The following FCHO2 variants were observed in gnomAD, a reference collection of about 807,000 sequenced individuals.
The protein encoded by FCHO2 is FCH and mu domain containing endocytic adaptor 2.
FCHO2 carries 43 observed loss-of-function variants against 114.1 expected under a neutral mutation model. The ratio of observed to expected loss-of-function variants is 0.38; its 90% CI spans 0.30 to 0.49. The LOEUF is 0.49. Ranked by LOEUF, FCHO2 falls within the 20% of genes least tolerant of loss-of-function variation. The pLI, the probability that FCHO2 is intolerant of heterozygous loss-of-function variation, is 0.97. For missense variants in FCHO2, 807 were observed against 950.4 expected, an observed-to-expected ratio of 0.85 and a Z score of 1.98; for synonymous variants, 293 against 315.2, an observed-to-expected ratio of 0.93 and a Z score of 0.75.
chr5:73,054,155 A>G lies in FCHO2; in HGVS notation c.1174-5A>G, dbSNP rs1369052608. On this transcript the variant is annotated splice_polypyrimidine_tract_variant and splice_region_variant and intron_variant, in intron 13 of 25. Transcript: ENST00000430046. ...TAATTTTCTTTTTCTTCCATGTACT[A>G]CTAGAGACACAGTCCAGTAAGTACA... 6.6e-7 allele frequency: 1 copy of G among 1,517,614 alleles called. No individual in the cohort carries two copies. The highest frequency in any genetic ancestry group is 8.9e-7 in the Non-Finnish European group (1 of 1,128,330). 94.0% of individuals were successfully genotyped at this position (1,517,614 alleles called of 1,614,324 possible).
rs186478644 is a variant in FCHO2 at position 73,044,339 on chromosome 5, G to A, written c.939+3024G>A. 8.5e-5 allele frequency among the ~76,000 whole-genome samples: 13 copies of A among 152,310 alleles called. No homozygotes were observed. The East Asian group carries it at 1.9e-3, about 23-fold the overall frequency. On this transcript the variant is annotated intron_variant, in intron 11 of 25. Transcript: ENST00000430046. The stretch of plus-strand genomic sequence containing the variant: ...CTTCAGCCTCGACCTCCCAGGCTCA[G>A]CCATTCCTCCCATTCCAGCCTCCTG...
chr5:72,966,701 G>A (rs1315399065), intron 1 of FCHO2, among the ~76,000 whole-genome samples: 1 of 152,210 alleles, frequency 6.6e-6, no homozygotes, highest in Non-Finnish European at 1.5e-5. Context: ...AAGTTTTTAT[G>A]CTTTCTGTTT....
At chr5:73,015,891 A>C (rs892663254) in intron 7 of FCHO2, among the ~76,000 whole-genome samples, 167 bp downstream of exon 7, 3 of 152,160 alleles carry the variant, frequency 2.0e-5, no homozygotes, top group Non-Finnish European at 4.4e-5. Context: ...TAGAAAATAA[A>C]CTGGATATTT....
chr5:73,020,862 T>A, intron 8 of FCHO2: 1 of 990,308 alleles, frequency 1.0e-6, no homozygotes, highest in Non-Finnish European at 1.6e-6. Context: ...CTCTGACCAT[T>A]AAGTGTAGCA....
chr5:73,066,397 C>G (rs960391607), intron 18 of FCHO2, among the ~76,000 whole-genome samples: 3 of 151,868 alleles, frequency 2.0e-5, no homozygotes, highest in Non-Finnish European at 4.4e-5. Context: ...TAAACAATGT[C>G]TTAATGACTG....
intron 12 of FCHO2, 149 bp from the exon 13 acceptor site, chr5:73,052,183 A>G (rs1489475174): frequency 4.2e-6 from 3 of 712,294 alleles, no homozygotes; most frequent in African/African-American, 1.8e-5. Context: ...TTAGCCTCCC[A>G]AAGTCCTGGG....
chr5:73,082,874 TGA>T, intron 24 of FCHO2, 49 bp downstream of exon 24: 1 of 1,469,880 alleles, frequency 6.8e-7, no homozygotes, highest in South Asian at 1.3e-5. Context: ...CACTGAAAAT[TGA>T]TTTTTTTTTT....
In FCHO2 at chr5:73,053,740, T is replaced by C. The variant is rs866542034; in HGVS notation, c.1174-420T>C. Among the ~76,000 whole-genome samples the C allele has an allele frequency of 5.1e-4, 78 of 151,736 alleles. 1 individual carries two copies. Among genetic ancestry groups the C allele is most frequent in the African/African-American group, 1.9e-3 (77 of 41,430 alleles). On this transcript the variant is annotated intron_variant, in intron 13 of 25. Transcript: ENST00000430046. ...GGTGAATATATACGAAGTATGAGGT[T>C]GTAAACCATTAAAAATGTGTGTTAT...
intron 2 of FCHO2, among the ~76,000 whole-genome samples, chr5:72,979,361 C>T (rs2112636426): frequency 7.2e-6 from 1 of 138,364 alleles, no homozygotes; most frequent in South Asian, 2.4e-4. Context: ...TGTATGTGTC[C>T]AGGAATTTAT....
rs1174250185 is a variant in FCHO2, at chr5:73,077,505, T to G, written c.1847+12T>G. 6.3e-7 allele frequency: 1 copy of G among 1,581,790 alleles called. No homozygotes were observed. The highest frequency in any genetic ancestry group is 1.3e-5 in the African/African-American group (1 of 74,382). On this transcript the variant is annotated intron_variant, in intron 21 of 25. Transcript: ENST00000430046. ...CAGCTTGTGTTCAGGTTTGTGTACTTTTTGTTTTGAAGGTTGAAATTTCGT... is the reference window on the plus strand; with the variant it reads ...CAGCTTGTGTTCAGGTTTGTGTACTGTTTGTTTTGAAGGTTGAAATTTCGT...
chr5:73,001,620 C>G (rs1754446771), intron 5 of FCHO2, among the ~76,000 whole-genome samples: 1 of 151,282 alleles, frequency 6.6e-6, no homozygotes, highest in Non-Finnish European at 1.5e-5. Context: ...CCTTAGGATT[C>G]TGACTGTGGC....
intron 2 of FCHO2, among the ~76,000 whole-genome samples, chr5:72,978,621 C>G (rs560262571): frequency 3.3e-5 from 5 of 152,112 alleles, no homozygotes; most frequent in Non-Finnish European, 7.4e-5. Flanking sequence ...TCCTGATTGC[C>G]CTGGCTAGAA....
chr5:73,012,196 G>C (rs1309754813), intron 6 of FCHO2, among the ~76,000 whole-genome samples: 1 of 152,114 alleles, frequency 6.6e-6, no homozygotes, highest in Non-Finnish European at 1.5e-5. Context: ...GTTGCACTAC[G>C]TTATGGCAGC....
chr5:72,979,619 C>T (rs1475936830), intron 2 of FCHO2, among the ~76,000 whole-genome samples: 1 of 151,432 alleles, frequency 6.6e-6, no homozygotes, highest in Admixed American at 6.6e-5. Context: ...TCTCGATCTC[C>T]TGACCTCGTG....
chr5:73,080,721 C>T (rs1263379937), intron 22 of FCHO2, among the ~76,000 whole-genome samples: 1 of 152,082 alleles, frequency 6.6e-6, no homozygotes, highest in African/African-American at 2.4e-5. Flanking sequence ...CTTAAATTGA[C>T]TTAAAGTTTC....
intron 7 of FCHO2, 62 bp downstream of exon 7, chr5:73,015,786 A>AAAAT (rs1561450137): frequency 1.9e-5 from 19 of 995,268 alleles, no homozygotes; most frequent in Non-Finnish European, 2.2e-5. Flanking sequence ...TAGCTCTTTA[A>AAAAT]AAATATTTTC....
chr5:72,997,617 G>A (rs1754192832), intron 5 of FCHO2: 6 of 1,425,214 alleles, frequency 4.2e-6, no homozygotes, highest in East Asian at 2.3e-5. Flanking sequence ...GTGCTGAGCC[G>A]CAACCTTCAC....
Position 72,973,585 on chromosome 5 carries a change from TTCTC to T in FCHO2, c.125+5000_125+5003del, listed in dbSNP as rs1752690612. ...ATTTTTTATTGCGTCTATTTGATTC[TTCTC>T]TCTTTTTTTCTTTATTAGTCTTGCT... On this transcript the variant is annotated intron_variant, in intron 2 of 25. Transcript: ENST00000430046. 5.3e-5 allele frequency among the ~76,000 whole-genome samples: 8 copies of T among 151,274 alleles called. 1 individual carries two copies. The South Asian group carries it at 1.7e-3, about 32-fold the overall frequency.
At chr5:73,010,875 CAAAAA>C (rs57820498) in intron 6 of FCHO2, among the ~76,000 whole-genome samples, 1 of 25,734 alleles carries the variant, frequency 3.9e-5, no homozygotes, top group Admixed American at 4.9e-4. Context: ...GACTCTGTCT[CAAAAA>C]AAAAAAAAAA....
Sources: gnomAD v4.1 joint callset for allele counts (sites outside exome capture counted in the v4.1 genomes callset) on GRCh38, gnomAD v4.1.1 for gene constraint, MANE v1.5 for transcripts, NCBI Gene and HGNC (gene_info 2026-07-23, HGNC 2026-07-21) for gene names.